Variants in MITF observed in about 807,000 individuals in gnomAD.
MITF encodes the protein microphthalmia-associated transcription factor.
In MITF, 17 loss-of-function variants were observed where a neutral mutation model predicts 60.5. The ratio of observed to expected loss-of-function variants is 0.28; its 90% CI spans 0.19 to 0.42. The LOEUF (loss-of-function observed/expected upper bound fraction) is 0.42. MITF is among the 10% of genes least tolerant of loss of function. MITF has a pLI of 1.00. For synonymous variants in MITF, 260 were observed against 248.5 expected (o/e 1.05, Z -0.43); for missense variants, 622 against 683.5 (o/e 0.91, Z 1.00).
At chr3:69,869,711 AC>A (rs2064187110) in intron 1 of MITF, among the ~76,000 whole-genome samples, 1 of 152,062 alleles carries the variant, frequency 6.6e-6, no homozygotes, top group South Asian at 2.1e-4. Flanking sequence ...CTATGAAACC[AC>A]CCCAAAACAT....
At chr3:69,816,017 A>G (rs896956059) in intron 1 of MITF, among the ~76,000 whole-genome samples, 1 of 152,088 alleles carries the variant, frequency 6.6e-6, no homozygotes, top group Admixed American at 6.5e-5. Context: ...AAGTCTCTCC[A>G]CTTCTGCAGG....
intron 2 of MITF, among the ~76,000 whole-genome samples, chr3:69,887,552 A>G (rs1250033055): frequency 1.3e-5 from 2 of 152,080 alleles, no homozygotes; most frequent in African/African-American, 4.8e-5. Flanking sequence ...ATAAATTTAG[A>G]TGTTTTTTGT....
chr3:69,920,475 G>A (rs2065441067), intron 2 of MITF, among the ~76,000 whole-genome samples: 1 of 152,104 alleles, frequency 6.6e-6, no homozygotes, highest in Non-Finnish European at 1.5e-5. Context: ...GTTCCATCCT[G>A]TACACCTGGC....
intron 2 of MITF, among the ~76,000 whole-genome samples, chr3:69,908,060 C>T (rs1032495444): frequency 6.6e-6 from 1 of 151,750 alleles, no homozygotes; most frequent in Non-Finnish European, 1.5e-5. Flanking sequence ...TTCCCTAAAA[C>T]TCTTTTGCAG....
intron 1 of MITF, among the ~76,000 whole-genome samples, chr3:69,833,060 T>C (rs2063476806): frequency 6.6e-6 from 1 of 152,244 alleles, no homozygotes; most frequent in Non-Finnish European, 1.5e-5. Context: ...TATGTGATTG[T>C]TTTTCTATTT....
chr3:69,927,972 A>G (rs2065632278), intron 2 of MITF, among the ~76,000 whole-genome samples: 1 of 152,250 alleles, frequency 6.6e-6, no homozygotes, highest in African/African-American at 2.4e-5. Context: ...TATAAAAAAC[A>G]GAGTGTTTTA....
intron 1 of MITF, among the ~76,000 whole-genome samples, chr3:69,778,626 G>A (rs1382392285): frequency 6.6e-6 from 1 of 152,154 alleles, no homozygotes; most frequent in Non-Finnish European, 1.5e-5. Flanking sequence ...TAAGAAGAGT[G>A]TAAATCAAGA....
At chr3:69,882,318 A>G (rs2064508135) in intron 2 of MITF, among the ~76,000 whole-genome samples, 1 of 152,042 alleles carries the variant, frequency 6.6e-6, no homozygotes, top group South Asian at 2.1e-4. Flanking sequence ...TTCTATATTG[A>G]TTTAATAATA....
chr3:69,786,908 T>C (rs1477513343), intron 1 of MITF, among the ~76,000 whole-genome samples: 1 of 152,186 alleles, frequency 6.6e-6, no homozygotes, highest in Non-Finnish European at 1.5e-5. Flanking sequence ...GTATCATGGT[T>C]GGATTGACCA....
In MITF at chr3:69,739,489, G is replaced by C. The variant is rs1004607681; in HGVS notation, c.-109G>C. ...GCGAGCCGGCGAGCGGGCAGAGCTC[G>C]GCACTGCGCCGGGGCGCACGGCTCG... is the stretch of plus-strand genomic sequence containing the variant. On this transcript the variant is annotated 5_prime_UTR_variant, in exon 1 of 10. Transcript: ENST00000352241. The C allele has an allele frequency of 1.4e-5, 14 of 1,012,612 alleles. No homozygotes were observed. In the Admixed American group the frequency reaches 1.7e-4, roughly 12 times the overall value. The allele number at this position is 1,012,612 out of a possible 1,614,324, so 62.7% of individuals were successfully genotyped here.
intron 1 of MITF, among the ~76,000 whole-genome samples, chr3:69,858,127 T>C (rs2063951444): frequency 6.6e-6 from 1 of 152,204 alleles, no homozygotes; most frequent in South Asian, 2.1e-4. Context: ...GTAATATTCA[T>C]TGGAATTACA....
chr3:69,817,916 C>T (rs2107030427), intron 1 of MITF, among the ~76,000 whole-genome samples: 1 of 152,242 alleles, frequency 6.6e-6, no homozygotes, highest in South Asian at 2.1e-4. Flanking sequence ...GTGTCTTACT[C>T]TGGGACAACC....
At chr3:69,865,151 C>T (rs2107224241) in intron 1 of MITF, among the ~76,000 whole-genome samples, 1 of 152,114 alleles carries the variant, frequency 6.6e-6, no homozygotes, top group South Asian at 2.1e-4. Flanking sequence ...GGCCGAGACT[C>T]CTGGCTAGAT....
chr3:69,936,281 G>T (rs2065832434), intron 2 of MITF, among the ~76,000 whole-genome samples: 1 of 152,040 alleles, frequency 6.6e-6, no homozygotes, highest in East Asian at 1.9e-4. Flanking sequence ...CCTCCAAAGG[G>T]GCATTCTGCT....
At chr3:69,785,909 A>G (rs1373689592) in intron 1 of MITF, among the ~76,000 whole-genome samples, 1 of 152,206 alleles carries the variant, frequency 6.6e-6, no homozygotes, top group East Asian at 1.9e-4. Flanking sequence ...TGAAGGAGGA[A>G]GAGGGATATG....
At chr3:69,926,325 A>G (rs2065585385) in intron 2 of MITF, among the ~76,000 whole-genome samples, 1 of 152,302 alleles carries the variant, frequency 6.6e-6, no homozygotes, top group Middle Eastern at 3.4e-3. Flanking sequence ...CTGCTTTTTG[A>G]CAGTTTTTAG....
At chr3:69,800,500 A>G (rs2062901897) in intron 1 of MITF, among the ~76,000 whole-genome samples, 2 of 152,166 alleles carry the variant, frequency 1.3e-5, no homozygotes, top group Non-Finnish European at 2.9e-5. Flanking sequence ...ATAGATCATC[A>G]CATGGTATGT....
At chr3:69,926,878 C>T (rs1246404076) in intron 2 of MITF, among the ~76,000 whole-genome samples, 1 of 152,204 alleles carries the variant, frequency 6.6e-6, no homozygotes, top group Non-Finnish European at 1.5e-5. Context: ...AGGCGAATTT[C>T]ACCATTGTGT....
intron 1 of MITF, among the ~76,000 whole-genome samples, chr3:69,805,817 T>C (rs2062996326): frequency 6.6e-6 from 1 of 151,678 alleles, no homozygotes; most frequent in Non-Finnish European, 1.5e-5. Flanking sequence ...TGCCACCATG[T>C]CTGGCTAATT....
Sources: gnomAD v4.1 joint callset for allele counts (sites outside exome capture counted in the v4.1 genomes callset) on GRCh38, gnomAD v4.1.1 for gene constraint, MANE v1.5 for transcripts, NCBI Gene and HGNC (gene_info 2026-07-23, HGNC 2026-07-21) for gene names.